Variants in TRPC4 observed in about 807,000 individuals in gnomAD.
TRPC4 encodes the protein short transient receptor potential channel 4.
TRPC4 carries 49 observed loss-of-function variants against 99.4 expected under a neutral mutation model. The ratio of observed to expected loss-of-function variants is 0.49; its 90% CI spans 0.39 to 0.63. TRPC4 has a LOEUF of 0.63. TRPC4 is among the 20% of genes least tolerant of loss of function. TRPC4 has a pLI of 0.00. For missense variants in TRPC4, 898 were observed against 1,152.9 expected, an observed-to-expected ratio of 0.78 and a Z score of 3.20; for synonymous variants, 454 against 425.9, an observed-to-expected ratio of 1.07 and a Z score of -0.81.
rs1278578089 is a variant in TRPC4 at position 37,823,780 on chromosome 13, TA to T, written c.-27-40421del. 5.8e-5 allele frequency among the ~76,000 whole-genome samples: 8 copies of T among 137,768 alleles called. 1 individual carries two copies. Among genetic ancestry groups the T allele is most frequent in the African/African-American group, 2.1e-4 (8 of 38,192 alleles). The allele number at this position is 137,768 out of a possible 152,430, so 90.4% of individuals were successfully genotyped here. On this transcript the variant is annotated intron_variant, in intron 1 of 10. Coordinates refer to ENST00000379705, the MANE Select transcript of TRPC4 (RefSeq NM_016179.4). ...GCTCTTTTTTGTTCCATATGAACTTTAAAGTAGTTTTTTTCCAATTCTGTGA... is the reference window on the plus strand; with the variant it reads ...GCTCTTTTTTGTTCCATATGAACTTTAAGTAGTTTTTTTCCAATTCTGTGA...
chr13:37,681,717 G>C (rs368660786), intron 4 of TRPC4, among the ~76,000 whole-genome samples: 9 of 152,302 alleles, frequency 5.9e-5, no homozygotes, highest in African/African-American at 2.2e-4. Context: ...CAAAGATTAA[G>C]ACAGCTTCTG....
intron 6 of TRPC4, among the ~76,000 whole-genome samples, chr13:37,659,305 T>G (rs2138665332): frequency 6.6e-6 from 1 of 152,218 alleles, no homozygotes; most frequent in South Asian, 2.1e-4. Context: ...CCTCCCTCCC[T>G]CGCTTCCTTC....
chr13:37,844,445 C>T lies in TRPC4; in HGVS notation c.-28+25150G>A, dbSNP rs188237569. On this transcript the variant is annotated intron_variant, in intron 1 of 10. Transcript: ENST00000379705. Reference sequence around the variant, plus strand: ...AAGTAGCTGGGATTACAGGCATGCACCACCATGCCCAGCTAATTTTTGTAT... The same window carrying T: ...AAGTAGCTGGGATTACAGGCATGCATCACCATGCCCAGCTAATTTTTGTAT... Among the ~76,000 whole-genome samples the T allele has an allele frequency of 7.9e-5, 12 of 152,250 alleles. No individual in the cohort carries two copies. The East Asian group carries it at 2.3e-3, about 30-fold the overall frequency.
intron 1 of TRPC4, among the ~76,000 whole-genome samples, chr13:37,831,960 G>GTGA (rs1376392611): frequency 6.6e-6 from 1 of 152,080 alleles, no homozygotes; most frequent in African/African-American, 2.4e-5. Context: ...ATAGATTATA[G>GTGA]TGATCTATTG....
chr13:37,701,552 G>A (rs2138934984), intron 3 of TRPC4, among the ~76,000 whole-genome samples: 1 of 151,960 alleles, frequency 6.6e-6, no homozygotes, highest in South Asian at 2.1e-4. Flanking sequence ...TGCAAGTGTT[G>A]CTTGTTCCCA....
rs750922397 is a variant in TRPC4 at position 37,663,522 on chromosome 13, G to A, written c.1582C>T (p.Leu528=). Residue 528 remains leucine (L), a synonymous_variant, in exon 6 of 11, where the codon CTA becomes TTA. Coordinates refer to ENST00000379705, the MANE Select transcript of TRPC4 (RefSeq NM_016179.4). ...KFLFIYCLVL[L]AFANGLNQLY... is the part of the protein sequence containing the mutation. ...TGATTTAGGCCATTTGCAAATGCTA[G>A]CAACACAAGGCAGTATATGAATAGA... The A allele has an allele frequency of 6.8e-6, 11 of 1,614,014 alleles. No homozygotes were observed. The South Asian group carries it at 7.7e-5, about 11-fold the overall frequency.
At chr13:37,745,888 G>A (rs750695809) in intron 3 of TRPC4, 49 bp downstream of exon 3, 7 of 1,554,882 alleles carry the variant, frequency 4.5e-6, no homozygotes, top group Non-Finnish European at 5.2e-6. Context: ...TTGCTTCACT[G>A]TGATTAAACT....
chr13:37,755,886 G>A (rs113963834), intron 2 of TRPC4, among the ~76,000 whole-genome samples: 29 of 151,774 alleles, frequency 1.9e-4, no homozygotes, highest in African/African-American at 6.5e-4. Flanking sequence ...TTTTTCAAGG[G>A]CTTCAATAAA....
At chr13:37,739,788 G>T (rs1593628017) in intron 3 of TRPC4, among the ~76,000 whole-genome samples, 1 of 152,090 alleles carries the variant, frequency 6.6e-6, no homozygotes. Flanking sequence ...ACAGGTGTGA[G>T]CCACTGCAGC....
intron 1 of TRPC4, among the ~76,000 whole-genome samples, chr13:37,792,227 T>C (rs1225361635): frequency 6.6e-6 from 1 of 152,136 alleles, no homozygotes; most frequent in Non-Finnish European, 1.5e-5. Flanking sequence ...AATGACAGAC[T>C]CTGATGCTAG....
intron 1 of TRPC4, among the ~76,000 whole-genome samples, chr13:37,847,469 G>A (rs1312400007): frequency 1.3e-5 from 2 of 151,972 alleles, no homozygotes; most frequent in Non-Finnish European, 2.9e-5. Context: ...AATCAAAAAG[G>A]AAATTTAAAA....
At chr13:37,729,542 A>G (rs1348819658) in intron 3 of TRPC4, among the ~76,000 whole-genome samples, 1 of 152,156 alleles carries the variant, frequency 6.6e-6, no homozygotes, top group Non-Finnish European at 1.5e-5. Flanking sequence ...TCATTTCTAT[A>G]GCAGTACGAT....
intron 4 of TRPC4, among the ~76,000 whole-genome samples, chr13:37,675,637 G>A (rs757844030): frequency 2.6e-4 from 40 of 152,198 alleles, no homozygotes; most frequent in Non-Finnish European, 5.0e-4. Flanking sequence ...TTGTGGAAGA[G>A]ACAGAAAGCA....
chr13:37,644,476 A>G (rs1951809977), intron 8 of TRPC4, among the ~76,000 whole-genome samples: 1 of 152,174 alleles, frequency 6.6e-6, no homozygotes, highest in Admixed American at 6.5e-5. Context: ...TAATTTTACT[A>G]AAAATAATAA....
intron 1 of TRPC4, among the ~76,000 whole-genome samples, chr13:37,847,736 C>G (rs2139664666): frequency 6.6e-6 from 1 of 151,952 alleles, no homozygotes; most frequent in East Asian, 1.9e-4. Context: ...GTGAAATAAG[C>G]CAAGCAAAGA....
chr13:37,788,847 T>C (rs111798025), intron 1 of TRPC4, among the ~76,000 whole-genome samples: 2,761 of 152,240 alleles, frequency 0.018, 34 homozygotes, highest in East Asian at 0.038. Context: ...TGGTAGCCAT[T>C]AGTCACATGT....
intron 3 of TRPC4, among the ~76,000 whole-genome samples, chr13:37,709,310 G>T (rs964282829): frequency 1.3e-5 from 2 of 151,930 alleles, no homozygotes; most frequent in African/African-American, 2.4e-5. Context: ...TGGATTTTAA[G>T]AAAATCCAAA....
chr13:37,643,012 G>A (rs150810908), intron 8 of TRPC4, among the ~76,000 whole-genome samples: 4 of 152,146 alleles, frequency 2.6e-5, no homozygotes, highest in Non-Finnish European at 5.9e-5. Context: ...TTACAGGTGT[G>A]AGCCACAGTG....
intron 2 of TRPC4, among the ~76,000 whole-genome samples, chr13:37,755,149 A>G (rs183158275): frequency 1.2e-3 from 185 of 152,242 alleles, no homozygotes; most frequent in Non-Finnish European, 1.9e-3. Flanking sequence ...TATTCATTCT[A>G]TTAAATTCAG....
Sources: gnomAD v4.1 joint callset for allele counts (sites outside exome capture counted in the v4.1 genomes callset) on GRCh38, gnomAD v4.1.1 for gene constraint, MANE v1.5 for transcripts, NCBI Gene and HGNC (gene_info 2026-07-23, HGNC 2026-07-21) for gene names.